Variants in INPP5A observed in about 807,000 individuals in gnomAD.
The protein encoded by INPP5A is 43 kDa inositol polyphosphate 5-phophatase.
A neutral mutation model predicts 65.2 loss-of-function variants in INPP5A; 14 were observed. The ratio of observed to expected loss-of-function variants is 0.21; its 90% CI spans 0.14 to 0.34. The LOEUF (loss-of-function observed/expected upper bound fraction) is 0.34. Among genes scored for constraint, INPP5A ranks in the 10% least tolerant of loss-of-function variants. INPP5A has a pLI of 1.00. For synonymous variants in INPP5A, 207 were observed against 208.3 expected (o/e 0.99, Z 0.05); for missense variants, 431 against 545.6 (o/e 0.79, Z 2.09).
chr10:132,677,982 G>A (rs934901208), intron 4 of INPP5A, among the ~76,000 whole-genome samples: 3 of 152,336 alleles, frequency 2.0e-5, no homozygotes, highest in South Asian at 2.1e-4. Context: ...GTCAGCTGTC[G>A]AACAGGAGGC....
At chr10:132,746,680 C>T (rs1044417222) in intron 9 of INPP5A, among the ~76,000 whole-genome samples, 1 of 152,172 alleles carries the variant, frequency 6.6e-6, no homozygotes, top group Non-Finnish European at 1.5e-5. Flanking sequence ...AGACGGCACA[C>T]CGGACCACTC....
Position 132,742,478 on chromosome 10 carries a change from G to A in INPP5A, c.733-7039G>A, listed in dbSNP as rs936185220. Among the ~76,000 whole-genome samples, 7 of 152,160 alleles carry A rather than the reference G, an allele frequency of 4.6e-5. No individual in the cohort carries two copies. In the East Asian group the frequency reaches 7.7e-4, roughly 17 times the overall value. On this transcript the variant is annotated intron_variant, in intron 9 of 15. Coordinates refer to ENST00000368594, the MANE Select transcript of INPP5A (RefSeq NM_005539.5). ...GAGAGGGCCACCCCCAGCTTCACTCGCTGGCCGTTGGTCTCAGGTCCTGCC... is the reference window on the plus strand; with the variant it reads ...GAGAGGGCCACCCCCAGCTTCACTCACTGGCCGTTGGTCTCAGGTCCTGCC...
At chr10:132,731,263 G>A (rs1478762926) in intron 9 of INPP5A, among the ~76,000 whole-genome samples, 1 of 151,240 alleles carries the variant, frequency 6.6e-6, no homozygotes, top group Non-Finnish European at 1.5e-5. Flanking sequence ...CACCCCTCCT[G>A]CGTATCAGGT....
intron 1 of INPP5A, among the ~76,000 whole-genome samples, chr10:132,580,816 A>G (rs1159076350): frequency 6.6e-6 from 1 of 152,206 alleles, no homozygotes; most frequent in East Asian, 1.9e-4. Context: ...TTCCAGGTAA[A>G]TTGCTGACAT....
intron 4 of INPP5A, among the ~76,000 whole-genome samples, chr10:132,662,750 C>T (rs2072752685): frequency 6.6e-6 from 1 of 152,278 alleles, no homozygotes; most frequent in East Asian, 1.9e-4. Context: ...CGCACTCCAG[C>T]CTGGCCGCTC....
intron 4 of INPP5A, among the ~76,000 whole-genome samples, chr10:132,656,644 A>G (rs1007356137): frequency 6.6e-6 from 1 of 152,164 alleles, no homozygotes; most frequent in Non-Finnish European, 1.5e-5. Context: ...CCACATAGAC[A>G]GAAGGAGGGG....
At chr10:132,748,390 C>T (rs925759370) in intron 9 of INPP5A, among the ~76,000 whole-genome samples, 1 of 152,208 alleles carries the variant, frequency 6.6e-6, no homozygotes, top group African/African-American at 2.4e-5. Context: ...GCTTTGATTT[C>T]TCTCAGATGT....
In INPP5A at chr10:132,688,563, G is replaced by C. The variant is rs117536489; in HGVS notation, c.307-1829G>C. On this transcript the variant is annotated intron_variant, in intron 4 of 15. Coordinates refer to ENST00000368594, the MANE Select transcript of INPP5A (RefSeq NM_005539.5). Reference sequence around the variant, plus strand: ...CAGAACTGCAGGGTTGTGGGGTCATGGTTCTGCCCAAAACAAAGCAAGAGT... The same window carrying C: ...CAGAACTGCAGGGTTGTGGGGTCATCGTTCTGCCCAAAACAAAGCAAGAGT... Among the ~76,000 whole-genome samples, 196 of 152,356 alleles carry C rather than the reference G, an allele frequency of 1.3e-3. 1 individual carries two copies. Among genetic ancestry groups the C allele is most frequent in the East Asian group, 0.013 (66 of 5,184 alleles).
At chr10:132,681,501 C>T (rs368147523) in intron 4 of INPP5A, among the ~76,000 whole-genome samples, 112 of 152,256 alleles carry the variant, frequency 7.4e-4, no homozygotes, top group African/African-American at 2.6e-3. Context: ...CCGGACACGC[C>T]GCCTTTAAGA....
intron 12 of INPP5A, among the ~76,000 whole-genome samples, chr10:132,767,530 C>G (rs1035835930): frequency 1.3e-5 from 2 of 152,144 alleles, no homozygotes; most frequent in Admixed American, 1.3e-4. Context: ...GCAAAGACAC[C>G]GAGGCTCCCT....
intron 1 of INPP5A, among the ~76,000 whole-genome samples, chr10:132,593,206 C>G (rs1472628831): frequency 6.6e-6 from 1 of 152,190 alleles, no homozygotes; most frequent in Admixed American, 6.5e-5. Flanking sequence ...CTGCCTGACA[C>G]TTTCACCTTT....
chr10:132,581,320 G>T (rs551042957), intron 1 of INPP5A, among the ~76,000 whole-genome samples: 1 of 152,314 alleles, frequency 6.6e-6, no homozygotes, highest in East Asian at 1.9e-4. Context: ...ATGATAGCAT[G>T]TTTTAATTAT....
intron 11 of INPP5A, among the ~76,000 whole-genome samples, chr10:132,754,987 G>C (rs1231203542): frequency 6.6e-6 from 1 of 152,212 alleles, no homozygotes; most frequent in East Asian, 1.9e-4. Flanking sequence ...GTGTGCGGAC[G>C]TGTGTGAGCA....
At chr10:132,745,342 C>T (rs931186121) in intron 9 of INPP5A, among the ~76,000 whole-genome samples, 1 of 152,158 alleles carries the variant, frequency 6.6e-6, no homozygotes, top group Non-Finnish European at 1.5e-5. Context: ...CAGTGACTAA[C>T]GGATTCCCTT....
intron 8 of INPP5A, among the ~76,000 whole-genome samples, chr10:132,714,773 C>T (rs1289919958): frequency 6.6e-6 from 1 of 152,252 alleles, no homozygotes; most frequent in Non-Finnish European, 1.5e-5. Context: ...GAAGCAGCCC[C>T]AGGGCGAGTG....
At position 132,644,466 on chromosome 10, in the gene INPP5A, C is replaced by T. The variant is rs537637775; in HGVS notation, c.118-1402C>T. 1.3e-5 allele frequency among the ~76,000 whole-genome samples: 2 copies of T among 152,364 alleles called. No individual in the cohort carries two copies. Among genetic ancestry groups the T allele is most frequent in the Admixed American group, 6.5e-5 (1 of 15,312 alleles). On this transcript the variant is annotated intron_variant, in intron 2 of 15. Coordinates refer to ENST00000368594, the MANE Select transcript of INPP5A (RefSeq NM_005539.5). The surrounding 1 kb of genome is among the most constrained non-coding windows in gnomAD (Gnocchi z 6.5). ...TTCTGTCTCCCCAGCCTGAGCCCGTCGTCCCTTGCTGGCTGCCCACTTGCT... is the reference window on the plus strand; with the variant it reads ...TTCTGTCTCCCCAGCCTGAGCCCGTTGTCCCTTGCTGGCTGCCCACTTGCT...
intron 2 of INPP5A, among the ~76,000 whole-genome samples, chr10:132,628,640 T>C (rs1366455662): frequency 1.3e-5 from 2 of 152,234 alleles, no homozygotes; most frequent in African/African-American, 4.8e-5. Flanking sequence ...TCTTAGAGTT[T>C]AAATGTGATT....
intron 9 of INPP5A, among the ~76,000 whole-genome samples, 181 bp from the exon 10 acceptor site, chr10:132,749,336 C>T (rs532036473): frequency 3.3e-5 from 5 of 149,690 alleles, no homozygotes; most frequent in Middle Eastern, 3.5e-3. Context: ...TCAGGCCCTT[C>T]GCACGTGTGA....
rs559627024 is a variant in INPP5A, at chr10:132,708,384, T to C, written c.527+19T>C. On this transcript the variant is annotated intron_variant, in intron 7 of 15. Transcript: ENST00000368594. Reference sequence around the variant, plus strand: ...CAGACTGGTACGTGGTGTCTGTGCTTTGTCAATTTCCATAACGTTTCTTAC... The same window carrying C: ...CAGACTGGTACGTGGTGTCTGTGCTCTGTCAATTTCCATAACGTTTCTTAC... 44 of 1,611,696 alleles carry C rather than the reference T, an allele frequency of 2.7e-5. No individual in the cohort carries two copies. The highest frequency in any genetic ancestry group is 3.6e-5 in the Non-Finnish European group (42 of 1,177,882).
Sources: gnomAD v4.1 joint callset for allele counts (sites outside exome capture counted in the v4.1 genomes callset) on GRCh38, gnomAD v4.1.1 for gene constraint, Gnocchi (gnomAD v3.1) non-coding constraint, MANE v1.5 for transcripts, NCBI Gene and HGNC (gene_info 2026-07-23, HGNC 2026-07-21) for gene names.